The following TEAD3 variants were observed in gnomAD, a reference collection of about 807,000 sequenced individuals.
TEAD3 encodes the protein TEA domain transcription factor 3.
A neutral mutation model predicts 55.6 loss-of-function variants in TEAD3; 15 were observed. The ratio of observed to expected loss-of-function variants is 0.27; its 90% confidence interval spans 0.18 to 0.42. The LOEUF (loss-of-function observed/expected upper bound fraction) is 0.42, where lower values mean the gene tolerates loss of function less well. Among genes scored for constraint, TEAD3 ranks in the 10% least tolerant of loss-of-function variants. The pLI is 1.00. For synonymous variants in TEAD3, 210 were observed against 232.2 expected, an observed-to-expected ratio of 0.90 and a Z score of 0.87; for missense variants, 407 against 576.8, an observed-to-expected ratio of 0.71 and a Z score of 3.01.
At chr6:35,487,496 G>C (rs1163685066) in intron 1 of TEAD3, among the ~76,000 whole-genome samples, 1 of 145,120 alleles carries the variant, frequency 6.9e-6, no homozygotes, top group African/African-American at 2.6e-5. Flanking sequence ...AGGTTGCAGT[G>C]AGCCGAGATC....
Position 35,491,838 on chromosome 6 carries a change from G to A in TEAD3, c.-50+5060C>T, listed in dbSNP as rs1768526153. Among the ~76,000 whole-genome samples the A allele has an allele frequency of 6.6e-6, 1 of 152,174 alleles. No homozygotes were observed. Among genetic ancestry groups the A allele is most frequent in the South Asian group, 2.1e-4 (1 of 4,838 alleles). The stretch of plus-strand genomic sequence containing the variant: ...GCACCTTGCTGCCCACCCCCACCCT[G>A]GGGCAAGACCTGCTGGAAGAACTGG... On this transcript the variant is annotated intron_variant, in intron 1 of 12. Coordinates refer to ENST00000639578, the Ensembl canonical transcript of TEAD3. This position sits in a 1 kb window ranked among gnomAD's most constrained non-coding sequence, Gnocchi z 4.4.
intron 1 of TEAD3, among the ~76,000 whole-genome samples, chr6:35,489,474 TC>T (rs1389612744): frequency 1.3e-5 from 2 of 151,520 alleles, no homozygotes; most frequent in East Asian, 1.9e-4. Flanking sequence ...GCCCAGGAGG[TC>T]CCCCTCAACC....
Position 35,486,945 on chromosome 6 carries a change from A to G in TEAD3, c.-49-234T>C, listed in dbSNP as rs1167563776. On this transcript the variant is annotated intron_variant, in intron 1 of 12. Coordinates refer to ENST00000639578, the Ensembl canonical transcript of TEAD3. This position sits in a 1 kb window ranked among gnomAD's most constrained non-coding sequence, Gnocchi z 7.3. ...TAGGCCTCAGTCCTGTAAAACGAGA[A>G]AAGGGTCTCCTTGAGGAGACCTCCT... 6.6e-6 allele frequency among the ~76,000 whole-genome samples: 1 copy of G among 152,190 alleles called. No individual in the cohort carries two copies. The highest frequency in any genetic ancestry group is 1.5e-5 in the Non-Finnish European group (1 of 68,028).
At chr6:35,482,764 TAAAAA>T (rs988825013) in intron 3 of TEAD3, among the ~76,000 whole-genome samples, 4 of 151,992 alleles carry the variant, frequency 2.6e-5, no homozygotes, top group Non-Finnish European at 4.4e-5. Flanking sequence ...TTATAAAACT[TAAAAA>T]AACCAACAAA....
rs1768679127 is a variant in TEAD3 at position 35,496,841 on chromosome 6, G to A, written c.-50+57C>T. Reference sequence around the variant, plus strand: ...TGTCGCCCCCCCAGCCAGCCCAGCCGACCAACCAAACCACCTCTCCCGAGC... The same window carrying A: ...TGTCGCCCCCCCAGCCAGCCCAGCCAACCAACCAAACCACCTCTCCCGAGC... On this transcript the variant is annotated intron_variant, in intron 1 of 12. Transcript: ENST00000639578. This position sits in a 1 kb window ranked among gnomAD's most constrained non-coding sequence, Gnocchi z 4.8. 1.3e-5 allele frequency: 2 copies of A among 152,228 alleles called. No homozygotes were observed. Among genetic ancestry groups the A allele is most frequent in the African/African-American group, 2.4e-5 (1 of 41,414 alleles). 9.4% of individuals were successfully genotyped at this position (152,228 alleles called of 1,614,324 possible).
chr6:35,480,912 G>A (rs1253890714), intron 3 of TEAD3, among the ~76,000 whole-genome samples: 2 of 152,070 alleles, frequency 1.3e-5, no homozygotes, highest in African/African-American at 2.4e-5. Context: ...TGCTAGCAAC[G>A]GCCATGGTGC....
intron 3 of TEAD3, 21 bp downstream of exon 4, chr6:35,480,291 C>T (rs374335929): frequency 4.3e-6 from 7 of 1,612,404 alleles, no homozygotes; most frequent in Non-Finnish European, 5.9e-6. Flanking sequence ...GCTGAAGGCC[C>T]CCGCCAGGCA....
In TEAD3 at chr6:35,475,425, C is replaced by T. The variant is rs765442993; in HGVS notation, c.1105G>A (p.Glu369Lys). Reference sequence around the variant, plus strand: ...TTGTGGATGAAGTTGATCATGTACTCGCACATGGGCGAGCGGTGGATACGG... The same window carrying T: ...TTGTGGATGAAGTTGATCATGTACTTGCACATGGGCGAGCGGTGGATACGG... The change falls in exon 12 of 13, where the codon GAG becomes AAG. Residue 369 changes from glutamate (E) to lysine (K), a missense_variant. Physicochemically the swap from Glu to Lys is moderately conservative, Grantham distance 56 (BLOSUM62 1). Transcript: ENST00000639578. The surrounding 1 kb of genome is among the most constrained non-coding windows in gnomAD (Gnocchi z 5.4). 1.4e-5 allele frequency: 22 copies of T among 1,613,916 alleles called. No homozygotes were observed. Among genetic ancestry groups the T allele is most frequent in the Admixed American group, 5.0e-5 (3 of 60,002 alleles).
At position 35,485,535 on chromosome 6, in the gene TEAD3, G is replaced by C. The variant is rs149226181; in HGVS notation, c.203-911C>G. Among the ~76,000 whole-genome samples, 610 of 152,106 alleles carry C rather than the reference G, an allele frequency of 4.0e-3. 27 individuals are homozygous for C. The South Asian group carries it at 0.085, about 21-fold the overall frequency. ...GGCCAAATTCTCCAAATTCCATTCC[G>C]ATGACTGAACCAGCCCCATTGCTCC... On this transcript the variant is annotated intron_variant, in intron 2 of 12. Coordinates refer to ENST00000639578, the Ensembl canonical transcript of TEAD3. The surrounding 1 kb of genome is among the most constrained non-coding windows in gnomAD (Gnocchi z 4.3).
intron 4 of TEAD3, among the ~76,000 whole-genome samples, chr6:35,479,757 C>T (rs973821949): frequency 6.6e-6 from 1 of 152,232 alleles, no homozygotes; most frequent in Admixed American, 6.5e-5. Context: ...CCCTGCCGGC[C>T]AGTAGCCCCG....
chr6:35,476,311 G>T, exon 9 of TEAD3: 1 of 1,612,060 alleles, frequency 6.2e-7, no homozygotes. Context: ...CCGTGTCAGG[G>T]TCTCGCTGCA....
chr6:35,475,689 G>A lies in TEAD3; in HGVS notation c.918C>T (p.Thr306=), dbSNP rs369501808. Residue 306 remains threonine, a synonymous_variant, in exon 11 of 13, where the codon ACC becomes ACT. Transcript: ENST00000639578. The surrounding 1 kb of genome is among the most constrained non-coding windows in gnomAD (Gnocchi z 5.4). ...AGAAGGCTCCCGGGCCCTCCTGGAT[G>A]GTGCTGTTGAGGTCGGCCTGGGCAT... 4.4e-6 allele frequency: 7 copies of A among 1,603,340 alleles called. No individual in the cohort carries two copies. The highest frequency in any genetic ancestry group is 1.7e-5 in the Admixed American group (1 of 58,400).
chr6:35,492,075 G>T (rs570739273), intron 1 of TEAD3, among the ~76,000 whole-genome samples: 1 of 152,330 alleles, frequency 6.6e-6, no homozygotes, highest in South Asian at 2.1e-4. Flanking sequence ...GCCCTGCTGG[G>T]AGGACGAGCT....
At position 35,484,387 on chromosome 6, in the gene TEAD3, G is replaced by A. The variant is rs965754132; in HGVS notation, c.267+173C>T. Reference sequence around the variant, plus strand: ...TGGGAAGGGTGAATGGAGCTGCTTGGGGGTGGGAGGGTGTAAAATCGAGGG... The same window carrying A: ...TGGGAAGGGTGAATGGAGCTGCTTGAGGGTGGGAGGGTGTAAAATCGAGGG... On this transcript the variant is annotated intron_variant, in intron 3 of 12. Coordinates refer to ENST00000639578, the Ensembl canonical transcript of TEAD3. The surrounding 1 kb of genome is among the most constrained non-coding windows in gnomAD (Gnocchi z 5.8). Among the ~76,000 whole-genome samples the A allele has an allele frequency of 1.3e-5, 2 of 152,096 alleles. No homozygotes were observed. Among genetic ancestry groups the A allele is most frequent in the South Asian group, 4.1e-4 (2 of 4,834 alleles).
In TEAD3 at chr6:35,496,098, G is replaced by A. The variant is rs1489069676; in HGVS notation, c.-50+800C>T. Among the ~76,000 whole-genome samples the A allele has an allele frequency of 1.3e-5, 2 of 151,800 alleles. No homozygotes were observed. Among genetic ancestry groups the A allele is most frequent in the East Asian group, 3.9e-4 (2 of 5,176 alleles). On this transcript the variant is annotated intron_variant, in intron 1 of 12. Transcript: ENST00000639578. This position sits in a 1 kb window ranked among gnomAD's most constrained non-coding sequence, Gnocchi z 4.8. Reference sequence around the variant, plus strand: ...GCTCCCAGCCCTCCCTCCCCTAGCAGGAATAAAGGGCATGACAGACAATGG... The same window carrying A: ...GCTCCCAGCCCTCCCTCCCCTAGCAAGAATAAAGGGCATGACAGACAATGG...
chr6:35,487,768 C>CA (rs1418269312), intron 1 of TEAD3, among the ~76,000 whole-genome samples: 1 of 151,830 alleles, frequency 6.6e-6, no homozygotes, highest in Non-Finnish European at 1.5e-5. Context: ...ACAACAACAA[C>CA]AAAAAACACT....
At chr6:35,492,612 C>G (rs972524125) in intron 1 of TEAD3, among the ~76,000 whole-genome samples, 1 of 136,570 alleles carries the variant, frequency 7.3e-6, no homozygotes, top group Non-Finnish European at 1.6e-5. Flanking sequence ...CTCCCCACCC[C>G]CCGCCCTGCT....
rs373856141 is a variant in TEAD3 at position 35,483,589 on chromosome 6, C to T, written c.267+971G>A. Among the ~76,000 whole-genome samples the T allele has an allele frequency of 6.6e-6, 1 of 152,182 alleles. No homozygotes were observed. ...GTTGATCTAGGCCTCTGCTTATGCC[C>T]GCAATGGCCAGCCTCTCTGTCTCCA... On this transcript the variant is annotated intron_variant, in intron 3 of 12. Coordinates refer to ENST00000639578, the Ensembl canonical transcript of TEAD3. This position sits in a 1 kb window ranked among gnomAD's most constrained non-coding sequence, Gnocchi z 4.5.
rs374828752 is a variant in TEAD3, at chr6:35,475,883, A to G, written c.900+36T>C. The stretch of plus-strand genomic sequence containing the variant: ...GGATGTTGCACCTCTGGGGTGGGGA[A>G]GGGGGCTTGGAGCAGAGAAGGCCAG... On this transcript the variant is annotated intron_variant, in intron 10 of 12. Transcript: ENST00000639578. This position sits in a 1 kb window ranked among gnomAD's most constrained non-coding sequence, Gnocchi z 5.4. 2.6e-6 allele frequency: 4 copies of G among 1,510,052 alleles called. No individual in the cohort carries two copies. Among genetic ancestry groups the G allele is most frequent in the Non-Finnish European group, 3.5e-6 (4 of 1,130,700 alleles). 93.5% of individuals were successfully genotyped at this position (1,510,052 alleles called of 1,614,324 possible). A position where few individuals can be genotyped will look rare whatever the true frequency, so the allele number is the denominator to read the frequency against.
Sources: gnomAD v4.1 joint callset for allele counts (sites outside exome capture counted in the v4.1 genomes callset) on GRCh38, gnomAD v4.1.1 for gene constraint, Gnocchi (gnomAD v3.1) non-coding constraint, MANE v1.5 for transcripts, NCBI Gene and HGNC (gene_info 2026-07-23, HGNC 2026-07-21) for gene names.